The following EPHA4 variants were observed in gnomAD, a reference collection of about 807,000 sequenced individuals.
EPHA4 encodes ephrin type-A receptor 4.
Under a neutral mutation model 108.3 loss-of-function variants are expected in EPHA4, and 19 were observed. The ratio of observed to expected loss-of-function variants is 0.18; its 90% confidence interval spans 0.12 to 0.26. EPHA4 has a LOEUF of 0.26. Ranked by LOEUF, EPHA4 falls within the 10% of genes least tolerant of loss-of-function variation. EPHA4 has a pLI of 1.00. For missense variants in EPHA4, 917 were observed against 1,254.0 expected (o/e 0.73, Z 4.06); for synonymous variants, 449 against 455.5 (o/e 0.99, Z 0.18).
chr2:221,519,985 T>G (rs529032943), intron 3 of EPHA4, among the ~76,000 whole-genome samples: 4 of 152,162 alleles, frequency 2.6e-5, no homozygotes, highest in Admixed American at 6.5e-5. Context: ...TCTTCTTTTC[T>G]CTTTTGCTTC....
intron 3 of EPHA4, among the ~76,000 whole-genome samples, chr2:221,559,347 T>G (rs2106205291): frequency 6.6e-6 from 1 of 152,290 alleles, no homozygotes; most frequent in Middle Eastern, 3.4e-3. Flanking sequence ...GATTAGTATT[T>G]CCCAAAGAGA....
chr2:221,502,232 G>A (rs1283604821), intron 3 of EPHA4, among the ~76,000 whole-genome samples: 2 of 151,596 alleles, frequency 1.3e-5, no homozygotes, highest in Non-Finnish European at 2.9e-5. Flanking sequence ...TTTCATGATC[G>A]CCTCTCAAAT....
At chr2:221,434,775 A>C (rs1359773966) in intron 13 of EPHA4, among the ~76,000 whole-genome samples, 1 of 152,196 alleles carries the variant, frequency 6.6e-6, no homozygotes, top group Non-Finnish European at 1.5e-5. Context: ...CAGCATGAGA[A>C]ATATGTCCAA....
chr2:221,523,011 C>T (rs1001896402), intron 3 of EPHA4, among the ~76,000 whole-genome samples: 13 of 152,108 alleles, frequency 8.5e-5, no homozygotes, highest in Non-Finnish European at 1.8e-4. Flanking sequence ...GATCCGCCTG[C>T]GTCGGCCTCC....
intron 3 of EPHA4, among the ~76,000 whole-genome samples, chr2:221,513,515 G>A (rs968472409): frequency 2.0e-5 from 3 of 152,012 alleles, no homozygotes; most frequent in Non-Finnish European, 4.4e-5. Flanking sequence ...TGTTGATGGG[G>A]CCTGAGAATC....
intron 4 of EPHA4, among the ~76,000 whole-genome samples, chr2:221,483,875 A>C (rs1263102428): frequency 1.3e-5 from 2 of 152,104 alleles, no homozygotes; most frequent in Non-Finnish European, 2.9e-5. Flanking sequence ...GGGAGAAGGG[A>C]GAGGGAATTT....
chr2:221,422,412 A>G (rs1305292072), intron 17 of EPHA4, among the ~76,000 whole-genome samples: 5 of 152,342 alleles, frequency 3.3e-5, no homozygotes, highest in Non-Finnish European at 7.3e-5. Context: ...AGGAGAAAGA[A>G]TGGTCTCATA....
intron 3 of EPHA4, among the ~76,000 whole-genome samples, chr2:221,510,137 T>C (rs1463196096): frequency 1.3e-5 from 2 of 152,222 alleles, no homozygotes; most frequent in Non-Finnish European, 2.9e-5. Context: ...TCAAGTTTTT[T>C]GTTTTGTTTT....
At chr2:221,501,752 A>C (rs1206933754) in intron 3 of EPHA4, among the ~76,000 whole-genome samples, 1 of 152,186 alleles carries the variant, frequency 6.6e-6, no homozygotes, top group Non-Finnish European at 1.5e-5. Context: ...TTATTTCCCA[A>C]TTACAACTAC....
chr2:221,425,089 A>G (rs914765841), intron 17 of EPHA4, 120 bp downstream of exon 17: 2 of 150,136 alleles, frequency 1.3e-5, no homozygotes, highest in Non-Finnish European at 2.9e-5. Flanking sequence ...AAAAACATCA[A>G]CACAACCTGA....
chr2:221,457,741 G>C, intron 6 of EPHA4, 125 bp downstream of exon 6: 1 of 1,043,396 alleles, frequency 9.6e-7, no homozygotes, highest in Non-Finnish European at 1.3e-6. Context: ...GGATGGGAAG[G>C]AGTCGAGGAA....
At chr2:221,564,523 A>G (rs1694566171) in intron 2 of EPHA4, 129 bp from the exon 3 acceptor site, 2 of 859,762 alleles carry the variant, frequency 2.3e-6, no homozygotes, top group South Asian at 1.8e-5. Flanking sequence ...CTGAGCACCA[A>G]TCATCACTAA....
intron 3 of EPHA4, among the ~76,000 whole-genome samples, chr2:221,534,638 G>A (rs1693612616): frequency 6.6e-6 from 1 of 152,172 alleles, no homozygotes; most frequent in Admixed American, 6.5e-5. Flanking sequence ...CAATTTGTTA[G>A]CTCTGTCTAA....
At chr2:221,433,711 G>A (rs1690147769) in intron 14 of EPHA4, among the ~76,000 whole-genome samples, 1 of 152,182 alleles carries the variant, frequency 6.6e-6, no homozygotes, top group Non-Finnish European at 1.5e-5. Context: ...CAAGGGGTGA[G>A]CTCTAATTAC....
At chr2:221,451,903 T>C (rs982018778) in intron 8 of EPHA4, among the ~76,000 whole-genome samples, 1 of 152,212 alleles carries the variant, frequency 6.6e-6, no homozygotes, top group Non-Finnish European at 1.5e-5. Context: ...TAGATCTCGC[T>C]GAAAAAAGTG....
chr2:221,554,165 C>G (rs1005382634), intron 3 of EPHA4, among the ~76,000 whole-genome samples: 1 of 152,208 alleles, frequency 6.6e-6, no homozygotes, highest in African/African-American at 2.4e-5. Context: ...ACACCATGTA[C>G]AGAGAGCATT....
intron 3 of EPHA4, among the ~76,000 whole-genome samples, chr2:221,519,643 A>G (rs1397912438): frequency 1.3e-5 from 2 of 152,220 alleles, no homozygotes; most frequent in Non-Finnish European, 2.9e-5. Flanking sequence ...CTTTGCAACA[A>G]CCAACCTAAT....
At chr2:221,426,299 G>C in intron 16 of EPHA4, 157 bp from the exon 17 acceptor site, 1 of 1,023,024 alleles carries the variant, frequency 9.8e-7, no homozygotes, top group Admixed American at 2.6e-5. Context: ...TTTAATGCAA[G>C]AATGTAGATA....
intron 3 of EPHA4, among the ~76,000 whole-genome samples, chr2:221,539,928 T>A (rs949848526): frequency 5.9e-5 from 9 of 152,172 alleles, no homozygotes; most frequent in African/African-American, 2.2e-4. Context: ...TTTCTTTTTG[T>A]TTTTTCTGAG....
Sources: allele counts gnomAD v4.1 joint callset (sites outside exome capture counted in the v4.1 genomes callset), GRCh38; gene constraint gnomAD v4.1.1; transcripts MANE v1.5; gene names NCBI Gene and HGNC (gene_info 2026-07-23, HGNC 2026-07-21).